Variants in SNTG1 observed in about 807,000 individuals in gnomAD.
SNTG1 encodes the protein gamma-1-syntrophin.
A neutral mutation model predicts 74.7 loss-of-function variants in SNTG1; 39 were observed. That is an observed-to-expected ratio of 0.52 (90% confidence interval 0.40 to 0.68). The LOEUF (loss-of-function observed/expected upper bound fraction) is 0.68, where lower values mean the gene tolerates loss of function less well. SNTG1 is among the 30% of genes least tolerant of loss of function. SNTG1 has a pLI of 0.00. For missense variants in SNTG1, 685 were observed against 609.5 expected (o/e 1.12, Z -1.30); for synonymous variants, 254 against 217.1 (o/e 1.17, Z -1.49).
At chr8:50,085,743 C>T (rs1310832683) in intron 1 of SNTG1, among the ~76,000 whole-genome samples, 3 of 152,178 alleles carry the variant, frequency 2.0e-5, no homozygotes, top group Non-Finnish European at 4.4e-5. Flanking sequence ...TTAATTCATC[C>T]ACCAAACCCT....
At chr8:50,375,961 T>A (rs1020496142) in intron 2 of SNTG1, among the ~76,000 whole-genome samples, 1 of 152,158 alleles carries the variant, frequency 6.6e-6, no homozygotes, top group African/African-American at 2.4e-5. Context: ...TAGATGGCAA[T>A]TCAGGGGAAA....
At chr8:49,920,281 A>T (rs318858) in intron 1 of SNTG1, among the ~76,000 whole-genome samples, 125,429 of 151,938 alleles carry the variant, frequency 0.83, 53,981 homozygotes, top group Non-Finnish European at 0.94. Flanking sequence ...TATGTGTTAT[A>T]CATGATTGTT....
intron 1 of SNTG1, among the ~76,000 whole-genome samples, chr8:50,056,978 T>A (rs984918139): frequency 2.6e-5 from 4 of 152,180 alleles, no homozygotes; most frequent in African/African-American, 9.6e-5. Context: ...AGATTTAACT[T>A]ATAATTTATT....
At chr8:50,269,093 T>A (rs73579259) in intron 2 of SNTG1, among the ~76,000 whole-genome samples, 4,498 of 152,250 alleles carry the variant, frequency 0.03, 184 homozygotes, top group African/African-American at 0.089. Flanking sequence ...AAAATTTAAC[T>A]CAAAATGAAT....
intron 9 of SNTG1, among the ~76,000 whole-genome samples, chr8:50,524,430 T>C (rs1438597401): frequency 1.3e-5 from 2 of 152,156 alleles, no homozygotes; most frequent in East Asian, 1.9e-4. Flanking sequence ...GAAATAATCA[T>C]GTTAATATAC....
intron 18 of SNTG1, among the ~76,000 whole-genome samples, chr8:50,770,699 C>T (rs527658969): frequency 1.2e-4 from 18 of 152,098 alleles, no homozygotes; most frequent in African/African-American, 4.3e-4. Flanking sequence ...GAGGTGGGGC[C>T]TATTGGGAGG....
At chr8:50,477,986 A>G (rs1328131238) in intron 8 of SNTG1, among the ~76,000 whole-genome samples, 1 of 152,218 alleles carries the variant, frequency 6.6e-6, no homozygotes, top group Non-Finnish European at 1.5e-5. Context: ...ATATATGGGT[A>G]CAATGAATGA....
At chr8:50,021,949 TA>T (rs917006299) in intron 1 of SNTG1, among the ~76,000 whole-genome samples, 68 of 139,490 alleles carry the variant, frequency 4.9e-4, no homozygotes, top group African/African-American at 1.6e-3. Flanking sequence ...AAAAAAAAAA[TA>T]AAAATAAAAA....
chr8:50,484,137 C>CTTTCTTTCCTTCT (rs1563453444), intron 8 of SNTG1, among the ~76,000 whole-genome samples: 3 of 55,868 alleles, frequency 5.4e-5, no homozygotes, highest in East Asian at 6.4e-4. Context: ...TCTTTCTTTC[C>CTTTCTTTCCTTCT]TTCTTTCTTT....
At chr8:50,656,202 C>A (rs1563701526) in intron 13 of SNTG1, among the ~76,000 whole-genome samples, 1 of 152,078 alleles carries the variant, frequency 6.6e-6, no homozygotes, top group Non-Finnish European at 1.5e-5. Context: ...AAATGTCATA[C>A]TTATTTGTTA....
chr8:50,400,341 T>G (rs999781466), intron 3 of SNTG1, among the ~76,000 whole-genome samples: 4 of 152,206 alleles, frequency 2.6e-5, no homozygotes, highest in African/African-American at 9.6e-5. Context: ...TTAAATAATT[T>G]TATTCCTTTT....
chr8:50,560,239 A>G (rs1197503084), intron 12 of SNTG1, among the ~76,000 whole-genome samples: 1 of 152,180 alleles, frequency 6.6e-6, no homozygotes, highest in Non-Finnish European at 1.5e-5. Context: ...GCAAGGTTGC[A>G]CAGAAAAAGG....
intron 1 of SNTG1, among the ~76,000 whole-genome samples, chr8:49,962,193 T>A (rs890153970): frequency 5.3e-5 from 8 of 151,832 alleles, no homozygotes; most frequent in African/African-American, 1.9e-4. Context: ...AAGATGAGCT[T>A]CATAATCAGA....
intron 1 of SNTG1, among the ~76,000 whole-genome samples, chr8:49,919,373 T>C (rs997783682): frequency 1.3e-5 from 2 of 152,098 alleles, no homozygotes; most frequent in Admixed American, 1.3e-4. Flanking sequence ...CACAAATGAC[T>C]AGCATAGTGC....
chr8:50,715,512 A>C (rs2095472935), intron 17 of SNTG1, among the ~76,000 whole-genome samples: 1 of 152,218 alleles, frequency 6.6e-6, no homozygotes, highest in Non-Finnish European at 1.5e-5. Context: ...AAGATTGGTT[A>C]ACAGATCTAT....
chr8:50,412,634 G>A (rs1429095607), intron 4 of SNTG1, among the ~76,000 whole-genome samples: 1 of 152,144 alleles, frequency 6.6e-6, no homozygotes, highest in African/African-American at 2.4e-5. Context: ...CAGAGGTCTA[G>A]GTCAGGAACT....
At chr8:50,651,720 G>C (rs770805457) in intron 13 of SNTG1, among the ~76,000 whole-genome samples, 3 of 151,900 alleles carry the variant, frequency 2.0e-5, no homozygotes, top group African/African-American at 7.3e-5. Context: ...GCCTCCCAAA[G>C]TGCTGAGATT....
chr8:50,611,193 G>T (rs187546077), intron 13 of SNTG1, among the ~76,000 whole-genome samples: 1 of 152,094 alleles, frequency 6.6e-6, no homozygotes, highest in Non-Finnish European at 1.5e-5. Flanking sequence ...TTTGGCAAAG[G>T]GTCCTGTTCC....
intron 18 of SNTG1, among the ~76,000 whole-genome samples, chr8:50,763,856 AACACACACACACACACACACACAC>A (rs59221694): frequency 5.0e-4 from 52 of 103,496 alleles, no homozygotes; most frequent in South Asian, 1.2e-3. Flanking sequence ...TTAATACAGA[AACACACACACACACACACACACAC>A]ACACACACAC....
Sources: gnomAD v4.1 joint callset for allele counts (sites outside exome capture counted in the v4.1 genomes callset) on GRCh38, gnomAD v4.1.1 for gene constraint, MANE v1.5 for transcripts, NCBI Gene and HGNC (gene_info 2026-07-23, HGNC 2026-07-21) for gene names.